EPHA10: variants seen among roughly 807,000 people sequenced by gnomAD.
EPHA10 encodes ephrin type-A receptor 10.
Under a neutral mutation model 109.7 loss-of-function variants are expected in EPHA10, and 120 were observed. That is an observed-to-expected ratio of 1.09 (90% CI 0.94 to 1.27). The LOEUF (loss-of-function observed/expected upper bound fraction) is 1.27. EPHA10 is among the 50% of genes most tolerant of loss of function. The pLI is 0.00. For synonymous variants in EPHA10, 640 were observed against 618.9 expected (o/e 1.03, Z -0.51); for missense variants, 1,396 against 1,411.1 (o/e 0.99, Z 0.17).
In EPHA10 at chr1:37,723,175, GAA is replaced by G; in HGVS notation, c.1835-11_1835-10del. The G allele has an allele frequency of 6.2e-7, 1 of 1,611,662 alleles. No homozygotes were observed. ...ACGTGTTGGGACTTTGACTGGGAGA[GAA>G]AGAGATGAGCCTGAGGAATGGGGCC... On this transcript the variant is annotated splice_polypyrimidine_tract_variant and intron_variant, in intron 9 of 16. Coordinates refer to ENST00000373048, the MANE Select transcript of EPHA10 (RefSeq NM_001099439.2).
At chr1:37,734,372 A>G (rs1646035262) in intron 6 of EPHA10, among the ~76,000 whole-genome samples, 1 of 152,052 alleles carries the variant, frequency 6.6e-6, no homozygotes, top group African/African-American at 2.4e-5. Flanking sequence ...CGTCTCTACT[A>G]AAAATACAAA....
chr1:37,752,780 T>G (rs1001472611), intron 5 of EPHA10, 96 bp downstream of exon 5: 3 of 608,580 alleles, frequency 4.9e-6, no homozygotes, highest in African/African-American at 8.4e-5. Flanking sequence ...CTGGGGTGGG[T>G]GGGTGGGGCT....
chr1:37,765,003 C>T lies in EPHA10; in HGVS notation c.64G>A (p.Ala22Thr). The T allele has an allele frequency of 1.2e-6, 2 of 1,611,128 alleles. No homozygotes were observed. Among genetic ancestry groups the T allele is most frequent in the Non-Finnish European group, 1.7e-6 (2 of 1,179,372 alleles). ...GGCCGCCAGGGTCCCAAAAGCAGCG[C>T]GAGACAGAGCTGCATCCGGCAGAGG... ...LFLCRMQLCL[A>T]LLLGPWRPGT... The change falls in exon 1 of 17, where the codon GCG becomes ACG. Residue 22 changes from alanine (A) to threonine (T), a missense_variant. Transcript: ENST00000373048.
intron 5 of EPHA10, among the ~76,000 whole-genome samples, chr1:37,738,622 A>T (rs1646106174): frequency 6.6e-6 from 1 of 152,176 alleles, no homozygotes; most frequent in African/African-American, 2.4e-5. Context: ...AAAAATTATA[A>T]TTACTATATG....
Position 37,754,384 on chromosome 1 carries a change from CTGGTG to C in EPHA10, c.851-19_851-15del. On this transcript the variant is annotated splice_polypyrimidine_tract_variant and intron_variant, in intron 3 of 16. Transcript: ENST00000373048. The surrounding 1 kb of genome is among the most constrained non-coding windows in gnomAD (Gnocchi z 4.5). ...CTGGGGGACAGGCTGCAGGGCATGG[CTGGTG>C]AGAAGAGGGGGCTCCTCCAGTTTCT... 3 of 1,294,034 alleles carry C rather than the reference CTGGTG, an allele frequency of 2.3e-6. No individual in the cohort carries two copies. Among genetic ancestry groups the C allele is most frequent in the Non-Finnish European group, 3.0e-6 (3 of 1,016,126 alleles). The allele number at this position is 1,294,034 out of a possible 1,614,324, so 80.2% of individuals were successfully genotyped here. A position where few individuals can be genotyped will look rare whatever the true frequency, so the allele number is the denominator to read the frequency against.
chr1:37,718,677 C>T lies in EPHA10; in HGVS notation c.2896G>A (p.Ala966Thr), dbSNP rs201161532. 1 of 1,613,118 alleles carries T rather than the reference C, an allele frequency of 6.2e-7. No homozygotes were observed. The highest frequency in any genetic ancestry group is 1.3e-5 in the African/African-American group (1 of 74,960). The change falls in exon 16 of 17, where the codon GCC (alanine) becomes ACC (threonine). Residue 966 changes from alanine to threonine, a missense_variant. Physicochemically the swap from Ala to Thr is moderately conservative, Grantham distance 58 (BLOSUM62 0). Transcript: ENST00000373048. ...TGGACTCACTGGGCAGTCATCTCGG[C>T]CACGGCCTCCAGGCTCCCATAGCCA... is the stretch of plus-strand genomic sequence containing the variant. ...AAGYGSLEAVAEMTAQDLVSL... is the reference protein window; with the variant it reads ...AAGYGSLEAVTEMTAQDLVSL...
chr1:37,747,580 A>C (rs908492677), intron 5 of EPHA10, among the ~76,000 whole-genome samples: 1 of 150,594 alleles, frequency 6.6e-6, no homozygotes, highest in East Asian at 1.9e-4. Flanking sequence ...ACTTCAGGAA[A>C]GCAGGAGAGT....
At chr1:37,730,041 G>A (rs574485611) in intron 7 of EPHA10, among the ~76,000 whole-genome samples, 73 of 152,100 alleles carry the variant, frequency 4.8e-4, no homozygotes, top group Middle Eastern at 3.4e-3. Context: ...CTCCACTGAC[G>A]GTCCCCAGCT....
chr1:37,725,338 C>T (rs1645870118), intron 8 of EPHA10, among the ~76,000 whole-genome samples: 1 of 151,860 alleles, frequency 6.6e-6, no homozygotes. Flanking sequence ...AACCCCGTCT[C>T]TACTAAAAAT....
Position 37,731,420 on chromosome 1 carries a change from G to A in EPHA10, c.1654C>T (p.Leu552=). 1 of 1,607,638 alleles carries A rather than the reference G, an allele frequency of 6.2e-7. No homozygotes were observed. Among genetic ancestry groups the A allele is most frequent in the Non-Finnish European group, 8.5e-7 (1 of 1,176,336 alleles). ...CACACACACTACTTACCCTCCCCCA[G>A]GGTCTGTACTTCAATGCTGGGGTTA... ...SFNPSIEVQT[L]GEAASGSRDQ... Residue 552 remains leucine (L), a synonymous_variant, in exon 7 of 17, where the codon CTG becomes TTG. Coordinates refer to ENST00000373048, the MANE Select transcript of EPHA10 (RefSeq NM_001099439.2).
rs543417433 is a variant in EPHA10, at chr1:37,736,476, C to CAAAAA, written c.1358-1091_1358-1087dup. 4.4e-3 allele frequency among the ~76,000 whole-genome samples: 251 copies of CAAAAA among 57,674 alleles called. 1 individual carries two copies. Among genetic ancestry groups the CAAAAA allele is most frequent in the East Asian group, 7.1e-3 (9 of 1,262 alleles). The allele number at this position is 57,674 out of a possible 152,430, so 37.8% of individuals were successfully genotyped here. On this transcript the variant is annotated intron_variant, in intron 5 of 16. Coordinates refer to ENST00000373048, the MANE Select transcript of EPHA10 (RefSeq NM_001099439.2). ...GGGCAACAAAAGCAAAATTCTGTCT[C>CAAAAA]AAAAAAAAAAAAAAAAAAAAAAAGA... is the stretch of plus-strand genomic sequence containing the variant.
intron 5 of EPHA10, among the ~76,000 whole-genome samples, chr1:37,751,515 ACTG>A (rs1300278349): frequency 6.7e-6 from 1 of 149,414 alleles, no homozygotes; most frequent in African/African-American, 2.5e-5. Flanking sequence ...GTTGCCATGA[ACTG>A]TGATCACACC....
In EPHA10 at chr1:37,764,880, C is replaced by T; in HGVS notation, c.106+81G>A. The T allele has an allele frequency of 7.7e-7, 1 of 1,293,128 alleles. No homozygotes were observed. 80.1% of individuals were successfully genotyped at this position (1,293,128 alleles called of 1,614,324 possible). A position where few individuals can be genotyped will look rare whatever the true frequency, so the allele number is the denominator to read the frequency against. On this transcript the variant is annotated intron_variant, in intron 1 of 16. Coordinates refer to ENST00000373048, the MANE Select transcript of EPHA10 (RefSeq NM_001099439.2). This position sits in a 1 kb window ranked among gnomAD's most constrained non-coding sequence, Gnocchi z 5.8. ...ATACAGACTCTAGTCTCTCCAATGA[C>T]TCCTTCCCCCAGAACCCCCATCGCC...
intron 14 of EPHA10, 109 bp from the exon 15 acceptor site, chr1:37,719,716 GCA>G (rs1345495214): frequency 8.5e-6 from 12 of 1,404,618 alleles, no homozygotes; most frequent in Non-Finnish European, 1.2e-5. Flanking sequence ...ACACACATGC[GCA>G]CACACAGACA....
At chr1:37,736,881 A>G (rs1646079980) in intron 5 of EPHA10, among the ~76,000 whole-genome samples, 1 of 152,208 alleles carries the variant, frequency 6.6e-6, no homozygotes, top group African/African-American at 2.4e-5. Flanking sequence ...ACTTAGACAT[A>G]AACTTAACCA....
chr1:37,740,084 T>A (rs1375819041), intron 5 of EPHA10, among the ~76,000 whole-genome samples: 1 of 151,686 alleles, frequency 6.6e-6, no homozygotes, highest in Non-Finnish European at 1.5e-5. Context: ...TCAAAAAAAA[T>A]AAATAAATAA....
In EPHA10 at chr1:37,761,572, C is replaced by G. The variant is rs750504151; in HGVS notation, c.683G>C (p.Ser228Thr). 1 of 1,598,556 alleles carries G rather than the reference C, an allele frequency of 6.3e-7. No individual in the cohort carries two copies. Among genetic ancestry groups the G allele is most frequent in the Non-Finnish European group, 8.5e-7 (1 of 1,176,686 alleles). ...CACTTCCACCAGTGTGGAGAAGGCGCTCTCGGCTGCGGTGGCTGGGAACGT... is the reference window on the plus strand; with the variant it reads ...CACTTCCACCAGTGTGGAGAAGGCGGTCTCGGCTGCGGTGGCTGGGAACGT... ...LATFPATAAESAFSTLVEVAG... is the reference protein window; with the variant it reads ...LATFPATAAETAFSTLVEVAG... Residue 228 changes from serine (S) to threonine (T), a missense_variant, in exon 3 of 17, where the codon AGC becomes ACC. Transcript: ENST00000373048.
intron 5 of EPHA10, among the ~76,000 whole-genome samples, chr1:37,742,489 C>A (rs1557548683): frequency 6.6e-6 from 1 of 152,190 alleles, no homozygotes; most frequent in African/African-American, 2.4e-5. Flanking sequence ...AGAAACAGTT[C>A]TTTTTCTGCC....
At chr1:37,742,486 GTTCT>G (rs1646169567) in intron 5 of EPHA10, among the ~76,000 whole-genome samples, 1 of 152,324 alleles carries the variant, frequency 6.6e-6, no homozygotes, top group African/African-American at 2.4e-5. Flanking sequence ...GGAAGAAACA[GTTCT>G]TTTTCTGCCT....
Sources: allele counts gnomAD v4.1 joint callset (sites outside exome capture counted in the v4.1 genomes callset), GRCh38; gene constraint gnomAD v4.1.1; non-coding constraint Gnocchi (gnomAD v3.1); transcripts MANE v1.5; gene names NCBI Gene and HGNC (gene_info 2026-07-23, HGNC 2026-07-21).